The following TEX36 variants were observed in gnomAD, a reference collection of about 807,000 sequenced individuals.
The protein encoded by TEX36 is testis expressed 36, also known as testis-expressed protein 36.
In TEX36, 12 loss-of-function variants were observed where a neutral mutation model predicts 13.6. The ratio of observed to expected loss-of-function variants is 0.88; its 90% CI spans 0.56 to 1.43. The LOEUF is 1.43. Ranked by LOEUF, TEX36 falls within the 40% of genes most tolerant of loss-of-function variation. The pLI is 0.00. For synonymous variants in TEX36, 93 were observed against 83.0 expected (o/e 1.12, Z -0.65); for missense variants, 224 against 228.3 (o/e 0.98, Z 0.12).
intron 1 of TEX36, among the ~76,000 whole-genome samples, chr10:125,673,993 G>C (rs1847273105): frequency 6.6e-6 from 1 of 152,116 alleles, no homozygotes; most frequent in South Asian, 2.1e-4. Context: ...GGAAGTTCTG[G>C]ATGATATCCT....
intron 3 of TEX36, among the ~76,000 whole-genome samples, chr10:125,643,419 C>A (rs746192707): frequency 6.6e-6 from 1 of 152,112 alleles, no homozygotes. Flanking sequence ...ACCAGCCTGG[C>A]GAACATGGCG....
At chr10:125,628,607 A>G (rs1589761922) in intron 3 of TEX36, among the ~76,000 whole-genome samples, 2 of 152,226 alleles carry the variant, frequency 1.3e-5, no homozygotes, top group African/African-American at 4.8e-5. Context: ...TGTGGAATGG[A>G]GCATCGTTTT....
chr10:125,660,958 C>T, intron 3 of TEX36, 63 bp downstream of exon 3: 1 of 1,414,692 alleles, frequency 7.1e-7, no homozygotes, highest in African/African-American at 1.4e-5. Flanking sequence ...CAACACACCC[C>T]AGAAAATCAA....
At chr10:125,650,901 A>T (rs947913878), downstream of TEX36, among the ~76,000 whole-genome samples, 7 of 152,240 alleles carry the variant, frequency 4.6e-5, no homozygotes, top group African/African-American at 1.7e-4. Flanking sequence ...ATCTAGAAGA[A>T]ATGGATAAAC....
intron 1 of TEX36, among the ~76,000 whole-genome samples, chr10:125,670,295 C>A (rs1847202685): frequency 6.6e-6 from 1 of 152,196 alleles, no homozygotes; most frequent in Non-Finnish European, 1.5e-5. Flanking sequence ...TTCTGACTGG[C>A]ATCAGATGGT....
At chr10:125,668,201 C>A (rs1847158308) in intron 1 of TEX36, among the ~76,000 whole-genome samples, 1 of 152,008 alleles carries the variant, frequency 6.6e-6, no homozygotes, top group Admixed American at 6.5e-5. Flanking sequence ...AGGGAGAATT[C>A]CCTCCTCTTT....
At chr10:125,616,837 C>G (rs1216440013), downstream of TEX36, among the ~76,000 whole-genome samples, 3 of 144,150 alleles carry the variant, frequency 2.1e-5, no homozygotes, top group African/African-American at 7.7e-5. Context: ...TCCTGGGTAT[C>G]CTTGTTGACT....
intron 3 of TEX36, among the ~76,000 whole-genome samples, chr10:125,639,550 A>G (rs1846658151): frequency 1.3e-5 from 2 of 150,938 alleles, no homozygotes; most frequent in African/African-American, 4.9e-5. Flanking sequence ...GTTCATACCA[A>G]TACACATGAT....
At chr10:125,608,065 C>T (rs1846237098) in intron 3 of TEX36, among the ~76,000 whole-genome samples, 2 of 152,166 alleles carry the variant, frequency 1.3e-5, no homozygotes, top group African/African-American at 2.4e-5. Context: ...CTGGCTCTCA[C>T]AGAGCTTGGA....
At chr10:125,612,648 T>C (rs1048862687) in intron 3 of TEX36, among the ~76,000 whole-genome samples, 5 of 152,178 alleles carry the variant, frequency 3.3e-5, no homozygotes, top group African/African-American at 9.7e-5. Flanking sequence ...TCTTCTTACC[T>C]GCAGTAGCTC....
chr10:125,676,242 A>T (rs1847309135), intron 1 of TEX36, among the ~76,000 whole-genome samples: 1 of 152,214 alleles, frequency 6.6e-6, no homozygotes, highest in South Asian at 2.1e-4. Context: ...ATTGCATTGC[A>T]GTCCATTTCT....
At chr10:125,596,001 G>T (rs1297063116) in intron 3 of TEX36, among the ~76,000 whole-genome samples, 1 of 152,170 alleles carries the variant, frequency 6.6e-6, no homozygotes, top group African/African-American at 2.4e-5. Flanking sequence ...TTAGATGTCA[G>T]GAATCTTATG....
chr10:125,614,849 T>C lies in TEX36; in HGVS notation c.265-37975A>G, dbSNP rs983071632. ...CATTGGTAGCTTGATGGGGATGGCATTGAATCTGTAAATTACCTTGGGCAG... is the reference window on the plus strand; with the variant it reads ...CATTGGTAGCTTGATGGGGATGGCACTGAATCTGTAAATTACCTTGGGCAG... On this transcript the variant is annotated intron_variant, in intron 3 of 3. Coordinates refer to the TEX36 transcript ENST00000532135. 9.9e-3 allele frequency among the ~76,000 whole-genome samples: 1,505 copies of C among 152,314 alleles called. 23 individuals carry two copies. The highest frequency in any genetic ancestry group is 0.035 in the African/African-American group (1,450 of 41,562).
rs1165362627 is a variant in TEX36, at chr10:125,656,166, T to TA, written c.294dup (p.Lys99Ter). On this transcript the variant is annotated frameshift_variant, in exon 4 of 4. Transcript: ENST00000368821. LOFTEE classifies it low-confidence loss of function (END_TRUNC). The stretch of plus-strand genomic sequence containing the variant: ...AAATTTCTTGAAACATGTTGCCTCT[T>TA]ATCTGGAGAGATCTTCTTACGTCCC... 1 of 1,533,148 alleles carries TA rather than the reference T, an allele frequency of 6.5e-7. No homozygotes were observed. Among genetic ancestry groups the TA allele is most frequent in the Non-Finnish European group, 8.8e-7 (1 of 1,140,184 alleles). 95.0% of individuals were successfully genotyped at this position (1,533,148 alleles called of 1,614,324 possible). A position where few individuals can be genotyped will look rare whatever the true frequency, so the allele number is the denominator to read the frequency against.
chr10:125,651,538 T>C (rs1048903039), downstream of TEX36, among the ~76,000 whole-genome samples: 1 of 152,096 alleles, frequency 6.6e-6, no homozygotes, highest in Non-Finnish European at 1.5e-5. Context: ...ACAGCCAATA[T>C]CATACTGAAA....
chr10:125,610,906 T>C (rs1846280951), intron 3 of TEX36, among the ~76,000 whole-genome samples: 1 of 152,222 alleles, frequency 6.6e-6, no homozygotes, highest in African/African-American at 2.4e-5. Flanking sequence ...GTGTGGTTCA[T>C]TGAATTATCC....
At chr10:125,649,625 G>A (rs909329472) in intron 3 of TEX36, among the ~76,000 whole-genome samples, 1 of 152,134 alleles carries the variant, frequency 6.6e-6, no homozygotes, top group Admixed American at 6.5e-5. Flanking sequence ...CATAATGACA[G>A]GATCAGATTC....
At chr10:125,586,569 C>T (rs962050343) in intron 3 of TEX36, among the ~76,000 whole-genome samples, 3 of 146,368 alleles carry the variant, frequency 2.0e-5, no homozygotes, top group African/African-American at 5.1e-5. Context: ...GTGGGCAGAT[C>T]GCTTGAGCCC....
At position 125,596,047 on chromosome 10, in the gene TEX36, A is replaced by T. The variant is rs187023603; in HGVS notation, c.265-19173T>A. ...CAATCTGAATCCAGAAATTATTTCA[A>T]AATACTAATAAAGCAGCAACATGAC... On this transcript the variant is annotated intron_variant, in intron 3 of 3. Coordinates refer to the TEX36 transcript ENST00000532135. Among the ~76,000 whole-genome samples, 5 of 152,372 alleles carry T rather than the reference A, an allele frequency of 3.3e-5. No homozygotes were observed. The East Asian group carries it at 9.6e-4, about 29-fold the overall frequency.
Sources: gnomAD v4.1 joint callset for allele counts (sites outside exome capture counted in the v4.1 genomes callset) on GRCh38, gnomAD v4.1.1 for gene constraint, MANE v1.5 for transcripts, NCBI Gene and HGNC (gene_info 2026-07-23, HGNC 2026-07-21) for gene names.